Variants in NOP2 observed in about 807,000 individuals in gnomAD.
NOP2 encodes the protein NOP2 nucleolar protein, also known as 28S rRNA (cytosine(4447)-C(5))-methyltransferase.
In NOP2, 7 loss-of-function variants were observed where a neutral mutation model predicts 72.7. The ratio of observed to expected loss-of-function variants is 0.10; its 90% CI spans 0.05 to 0.18. The LOEUF (loss-of-function observed/expected upper bound fraction) is 0.18. NOP2 is among the 10% of genes least tolerant of loss of function. The pLI is 1.00. For synonymous variants in NOP2, 387 were observed against 388.0 expected, an observed-to-expected ratio of 1.00 and a Z score of 0.03; for missense variants, 954 against 1,014.7, an observed-to-expected ratio of 0.94 and a Z score of 0.81.
At chr12:6,562,767 CTTTT>C (rs1339356901) in intron 9 of NOP2, among the ~76,000 whole-genome samples, 1 of 152,170 alleles carries the variant, frequency 6.6e-6, no homozygotes, top group Non-Finnish European at 1.5e-5. Context: ...GCATATGTGT[CTTTT>C]TTGTGCAGTC....
chr12:6,568,259 A>T lies in NOP2; in HGVS notation c.-57T>A, dbSNP rs997341133. The T allele has an allele frequency of 4.4e-6, 1 of 225,978 alleles. No homozygotes were observed. Among genetic ancestry groups the T allele is most frequent in the African/African-American group, 2.3e-5 (1 of 43,354 alleles). The allele number at this position is 225,978 out of a possible 1,614,324, so 14.0% of individuals were successfully genotyped here. ...CCCTTCGGGCGGCCCTCCACGTGCA[A>T]TCCGGACCTAGCTTTCGGCCGGCAC... On this transcript the variant is annotated 5_prime_UTR_variant, in exon 1 of 16. The change creates a new upstream start codon in the 5' untranslated region. Transcript: ENST00000322166.
At chr12:6,564,612 A>T (rs1947732242) in intron 5 of NOP2, among the ~76,000 whole-genome samples, 1 of 152,028 alleles carries the variant, frequency 6.6e-6, no homozygotes, top group African/African-American at 2.4e-5. Context: ...TATTTTTAGC[A>T]GAGATGGGGT....
chr12:6,561,981 G>T lies in NOP2; in HGVS notation c.979-10C>A. The T allele has an allele frequency of 6.4e-7, 1 of 1,560,386 alleles. No homozygotes were observed. Among genetic ancestry groups the T allele is most frequent in the Non-Finnish European group, 8.8e-7 (1 of 1,141,214 alleles). ...CACGATTGATTAGAGCCTGAAAAGG[G>T]ATGAAGATTTTTTTTTTTTTTTTTT... is the stretch of plus-strand genomic sequence containing the variant. On this transcript the variant is annotated splice_polypyrimidine_tract_variant and intron_variant, in intron 9 of 15. Transcript: ENST00000322166.
chr12:6,563,909 G>C lies in NOP2; in HGVS notation c.512C>G (p.Ala171Gly), dbSNP rs749777436. Residue 171 changes from alanine (A) to glycine (G), a missense_variant, in exon 6 of 16, where the codon GCC (alanine) becomes GGC (glycine). Coordinates refer to ENST00000322166, the MANE Select transcript of NOP2 (RefSeq NM_001258308.2). ...PIERAARKQK[A>G]REAAAGIQWS... is the part of the protein sequence containing the mutation. ...AACTCACCCAGCAGCAGCTTCCCGG[G>C]CCTTCTGCTTCCGAGCAGCTCTTTC... 6.2e-7 allele frequency: 1 copy of C among 1,613,600 alleles called. No individual in the cohort carries two copies. Among genetic ancestry groups the C allele is most frequent in the Non-Finnish European group, 8.5e-7 (1 of 1,179,808 alleles).
At chr12:6,561,121 A>T (rs2136170959) in intron 11 of NOP2, 51 bp from the exon 12 acceptor site, 1 of 1,599,026 alleles carries the variant, frequency 6.3e-7, no homozygotes, top group African/African-American at 1.3e-5. Context: ...CTGTCTCCAC[A>T]CTTGCTCCCA....
chr12:6,564,680 C>T (rs1189423549), intron 5 of NOP2, among the ~76,000 whole-genome samples: 3 of 151,322 alleles, frequency 2.0e-5, no homozygotes, highest in African/African-American at 7.3e-5. Flanking sequence ...CCGCCCACCT[C>T]GGCCTCCCAA....
intron 9 of NOP2, among the ~76,000 whole-genome samples, chr12:6,562,732 G>A (rs1409583449): frequency 6.6e-6 from 1 of 152,152 alleles, no homozygotes; most frequent in African/African-American, 2.4e-5. Context: ...TGAACCCTTG[G>A]AAATGAGTTT....
intron 15 of NOP2, among the ~76,000 whole-genome samples, chr12:6,558,546 C>T (rs191508546): frequency 1.2e-4 from 18 of 151,798 alleles, no homozygotes; most frequent in South Asian, 1.0e-3. Context: ...GTTACAGGCG[C>T]GAGCCACCAC....
Position 6,560,303 on chromosome 12 carries a change from T to G in NOP2, c.1584A>C (p.Val528=). Residue 528 remains valine, a synonymous_variant, in exon 15 of 16, where the codon GTA becomes GTC. Transcript: ENST00000322166. This position sits in a 1 kb window ranked among gnomAD's most constrained non-coding sequence, Gnocchi z 5.0. ...SITVEENEWV[V]DYALKKRNVR... ...CATTCCTCTTTTTCAGAGCATAGTCTACCACCCACTCATTCTCTTCTACCT... is the reference window on the plus strand; with the variant it reads ...CATTCCTCTTTTTCAGAGCATAGTCGACCACCCACTCATTCTCTTCTACCT... 1.9e-6 allele frequency: 3 copies of G among 1,613,896 alleles called. No homozygotes were observed. The highest frequency in any genetic ancestry group is 2.5e-6 in the Non-Finnish European group (3 of 1,179,842).
chr12:6,557,189 G>A lies in NOP2; in HGVS notation c.2243C>T (p.Pro748Leu). The change falls in exon 16 of 16, where the codon CCC becomes CTC. Residue 748 changes from proline to leucine, a missense_variant. This residue lies in a region of NOP2 where 269 missense variants were observed against 260.2 expected (regional missense o/e 1.03). Coordinates refer to ENST00000322166, the MANE Select transcript of NOP2 (RefSeq NM_001258308.2). ...CTCAACCCCCTTGGCCCTTCCAAGG[G>A]GCTGATGATGGTCCTTAGGTTTCAG... is the stretch of plus-strand genomic sequence containing the variant. ...ATLKPKDHHQ[P>L]LGRAKGVEKQ... 1.2e-6 allele frequency: 2 copies of A among 1,614,010 alleles called. No homozygotes were observed. The highest frequency in any genetic ancestry group is 8.5e-7 in the Non-Finnish European group (1 of 1,179,884).
rs1947839950 is a variant in NOP2 at position 6,568,197 on chromosome 12, C to A, written c.-5+10G>T. The stretch of plus-strand genomic sequence containing the variant: ...GCCACTCTTCGTCCCCCAATTTCCT[C>A]TAGACCCACCAGAATGCGGGTTAAT... On this transcript the variant is annotated intron_variant, in intron 1 of 15. Coordinates refer to ENST00000322166, the MANE Select transcript of NOP2 (RefSeq NM_001258308.2). The A allele has an allele frequency of 9.6e-6, 4 of 416,908 alleles. No individual in the cohort carries two copies. Among genetic ancestry groups the A allele is most frequent in the Non-Finnish European group, 1.7e-5 (4 of 231,004 alleles). 25.8% of individuals were successfully genotyped at this position (416,908 alleles called of 1,614,324 possible). A position where few individuals can be genotyped will look rare whatever the true frequency, so the allele number is the denominator to read the frequency against.
In NOP2 at chr12:6,556,973, C is replaced by T. The variant is rs755989225; in HGVS notation, c.*20G>A. 3.1e-6 allele frequency: 5 copies of T among 1,613,242 alleles called. 1 individual carries two copies. The South Asian group carries it at 5.5e-5, about 18-fold the overall frequency. ...ACCTGGTGACAATGGCAGTGAGCCA[C>T]CCGTCTAGTTTTCAACCATCTAAGA... On this transcript the variant is annotated 3_prime_UTR_variant, in exon 16 of 16. Transcript: ENST00000322166.
chr12:6,560,441 T>C lies in NOP2; in HGVS notation c.1560+6A>G. 6.3e-7 allele frequency: 1 copy of C among 1,593,008 alleles called. No individual in the cohort carries two copies. ...CTCCCCTGCTCTGCCATGGCAGAGG[T>C]CTCACTGTGATAGAACAGGTGCAGT... On this transcript the variant is annotated splice_donor_region_variant and intron_variant, in intron 14 of 15. Transcript: ENST00000322166. This position sits in a 1 kb window ranked among gnomAD's most constrained non-coding sequence, Gnocchi z 5.0.
chr12:6,568,169 G>A, intron 1 of NOP2, 38 bp downstream of exon 1: 1 of 518,210 alleles, frequency 1.9e-6, no homozygotes. Context: ...CCAGGTCAGT[G>A]CTGCCACTCT....
intron 5 of NOP2, 105 bp from the exon 6 acceptor site, chr12:6,564,051 T>C: frequency 6.5e-7 from 1 of 1,539,256 alleles, no homozygotes; most frequent in South Asian, 1.2e-5. Flanking sequence ...ATCCAACACT[T>C]GCTCTCAGAA....
At chr12:6,561,207 T>C (rs1947640541) in intron 11 of NOP2, 137 bp from the exon 12 acceptor site, 2 of 1,013,026 alleles carry the variant, frequency 2.0e-6, no homozygotes, top group Non-Finnish European at 2.9e-6. Flanking sequence ...CTGCCTACTG[T>C]ATAGGCTGAT....
chr12:6,558,609 T>A (rs1412189875), intron 15 of NOP2, among the ~76,000 whole-genome samples: 2 of 149,470 alleles, frequency 1.3e-5, no homozygotes, highest in Non-Finnish European at 3.0e-5. Context: ...GCTTTATTTA[T>A]CTTTTTTTTT....
rs776267063 is a variant in NOP2 at position 6,560,987 on chromosome 12, G to A, written c.1291C>T (p.Arg431Trp). ...ATAATGGTGTTGGTGACTCCCAGCC[G>A]ATGCAAGTTGCCCACAACACTCTTG... is the stretch of plus-strand genomic sequence containing the variant. ...RLKSVVGNLH[R>W]LGVTNTIISH... Residue 431 changes from arginine to tryptophan, a missense_variant, in exon 12 of 16, where the codon CGG (arginine) becomes TGG (tryptophan). Coordinates refer to ENST00000322166, the MANE Select transcript of NOP2 (RefSeq NM_001258308.2). The surrounding 1 kb of genome is among the most constrained non-coding windows in gnomAD (Gnocchi z 5.0). The A allele has an allele frequency of 2.7e-5, 43 of 1,613,796 alleles. No individual in the cohort carries two copies. The highest frequency in any genetic ancestry group is 3.6e-5 in the Non-Finnish European group (42 of 1,179,874).
intron 15 of NOP2, chr12:6,557,945 C>G: frequency 2.6e-6 from 1 of 381,952 alleles, no homozygotes; most frequent in East Asian, 6.9e-5. Context: ...GAGTTCAAGA[C>G]CAGCCTAGCC....
Sources: allele counts gnomAD v4.1 joint callset (sites outside exome capture counted in the v4.1 genomes callset), GRCh38; gene constraint gnomAD v4.1.1; regional missense constraint gnomAD v4.1.1; non-coding constraint Gnocchi (gnomAD v3.1); transcripts MANE v1.5; gene names NCBI Gene and HGNC (gene_info 2026-07-23, HGNC 2026-07-21).